Variants in LRP1B observed in about 807,000 individuals in gnomAD.
LRP1B encodes the protein LDL receptor related protein 1B.
LRP1B carries 217 observed loss-of-function variants against 556.6 expected under a neutral mutation model. The ratio of observed to expected loss-of-function variants is 0.39; its 90% CI spans 0.35 to 0.44. The LOEUF (loss-of-function observed/expected upper bound fraction) is 0.44, where lower values mean the gene tolerates loss of function less well. LRP1B is among the 20% of genes least tolerant of loss of function. The pLI is 1.00. For missense variants in LRP1B, 5,053 were observed against 5,620.8 expected (o/e 0.90, Z 3.23); for synonymous variants, 2,047 against 1,865.8 (o/e 1.10, Z -2.50).
intron 3 of LRP1B, among the ~76,000 whole-genome samples, chr2:141,467,304 G>A (rs989902331): frequency 6.6e-6 from 1 of 151,410 alleles, no homozygotes; most frequent in Non-Finnish European, 1.5e-5. Flanking sequence ...TCGGAGGTTT[G>A]GAAACTTTAA....
At chr2:140,796,613 T>C (rs1559124553) in intron 32 of LRP1B, among the ~76,000 whole-genome samples, 1 of 152,092 alleles carries the variant, frequency 6.6e-6, no homozygotes. Flanking sequence ...TGAATAGTGT[T>C]ATGGCAATTA....
chr2:141,442,129 T>C (rs1681000715), intron 3 of LRP1B, among the ~76,000 whole-genome samples: 1 of 152,304 alleles, frequency 6.6e-6, no homozygotes, highest in East Asian at 1.9e-4. Context: ...GCTTTTCCTT[T>C]TCCATTTCCA....
intron 7 of LRP1B, among the ~76,000 whole-genome samples, chr2:141,175,575 T>A (rs185310893): frequency 1.1e-3 from 170 of 152,202 alleles, no homozygotes; most frequent in African/African-American, 3.3e-3. Context: ...TAGATTTCAG[T>A]GGATGTATGA....
chr2:141,819,291 T>C (rs2105726382), intron 1 of LRP1B, among the ~76,000 whole-genome samples: 1 of 152,230 alleles, frequency 6.6e-6, no homozygotes, highest in African/African-American at 2.4e-5. Context: ...CAGTGAACTT[T>C]TTCTTTCTCT....
At chr2:140,806,583 C>A (rs1044296378) in intron 32 of LRP1B, among the ~76,000 whole-genome samples, 4 of 152,104 alleles carry the variant, frequency 2.6e-5, no homozygotes, top group African/African-American at 9.7e-5. Context: ...TTGACCTTGA[C>A]AAATTACTAC....
Position 142,111,508 on chromosome 2 carries a change from G to A in LRP1B, c.82+19140C>T, listed in dbSNP as rs565082235. 1.3e-3 allele frequency among the ~76,000 whole-genome samples: 191 copies of A among 152,248 alleles called. 1 individual carries two copies. The highest frequency in any genetic ancestry group is 4.5e-3 in the African/African-American group (185 of 41,572). ...ATGATCATGGGGCAAAGAAACATGA[G>A]AGTCTTGAGAGAGCCTTTTGTCCAT... On this transcript the variant is annotated intron_variant, in intron 1 of 90. Coordinates refer to ENST00000389484, the MANE Select transcript of LRP1B (RefSeq NM_018557.3).
intron 82 of LRP1B, among the ~76,000 whole-genome samples, chr2:140,320,920 G>A (rs556092937): frequency 1.3e-5 from 2 of 152,138 alleles, no homozygotes; most frequent in East Asian, 3.9e-4. Context: ...TCCAGGCATA[G>A]TGACACATAC....
chr2:140,552,953 G>A (rs367662059), intron 43 of LRP1B, among the ~76,000 whole-genome samples: 1 of 151,954 alleles, frequency 6.6e-6, no homozygotes, highest in South Asian at 2.1e-4. Context: ...GTGCCTTGTT[G>A]GTGAAAGCAC....
At chr2:141,033,193 C>T (rs866405030) in intron 11 of LRP1B, among the ~76,000 whole-genome samples, 9 of 151,112 alleles carry the variant, frequency 6.0e-5, no homozygotes, top group South Asian at 4.2e-4. Flanking sequence ...AGAGTGTGCA[C>T]GAACAGTGGT....
At chr2:141,000,007 C>G (rs890256814) in intron 15 of LRP1B, among the ~76,000 whole-genome samples, 1 of 151,946 alleles carries the variant, frequency 6.6e-6, no homozygotes, top group African/African-American at 2.4e-5. Context: ...CCTCAACCTC[C>G]TAGGCTCAAG....
At chr2:141,594,192 C>T (rs1228392014) in intron 2 of LRP1B, among the ~76,000 whole-genome samples, 2 of 152,016 alleles carry the variant, frequency 1.3e-5, no homozygotes, top group Non-Finnish European at 2.9e-5. Flanking sequence ...GCCCCAGTTT[C>T]CTTCTTTGCT....
rs544182982 is a variant in LRP1B, at chr2:140,964,031, G to C, written c.2888-12091C>G. On this transcript the variant is annotated intron_variant, in intron 18 of 90. Coordinates refer to ENST00000389484, the MANE Select transcript of LRP1B (RefSeq NM_018557.3). ...ATGTCGGGCTGCACTGTTATTTATT[G>C]GATACAAGGCAGAAGGGGCAGGGTA... Among the ~76,000 whole-genome samples the C allele has an allele frequency of 4.3e-4, 66 of 152,238 alleles. 1 individual carries two copies. The highest frequency in any genetic ancestry group is 1.0e-3 in the South Asian group (5 of 4,818).
intron 2 of LRP1B, among the ~76,000 whole-genome samples, chr2:141,604,462 C>A (rs1395640866): frequency 2.0e-5 from 3 of 151,994 alleles, no homozygotes; most frequent in Admixed American, 6.6e-5. Context: ...TCCAGTGAAA[C>A]CCAACCTCCA....
intron 3 of LRP1B, among the ~76,000 whole-genome samples, chr2:141,361,669 G>A (rs1333706672): frequency 1.3e-5 from 2 of 152,200 alleles, no homozygotes; most frequent in Non-Finnish European, 1.5e-5. Context: ...GCTAGTTGTA[G>A]GTGGGGAGTC....
chr2:140,973,768 C>T (rs1327405132), intron 18 of LRP1B, among the ~76,000 whole-genome samples: 1 of 152,072 alleles, frequency 6.6e-6, no homozygotes, highest in Non-Finnish European at 1.5e-5. Context: ...AAATACATAA[C>T]ATAAAATTTA....
chr2:140,761,566 G>A (rs979803162), intron 35 of LRP1B, among the ~76,000 whole-genome samples: 3 of 152,166 alleles, frequency 2.0e-5, no homozygotes, highest in African/African-American at 7.2e-5. Flanking sequence ...AGCTCTAAGA[G>A]AAGCTTGTGG....
chr2:140,252,392 G>A (rs1175129481), intron 86 of LRP1B, among the ~76,000 whole-genome samples: 1 of 151,800 alleles, frequency 6.6e-6, no homozygotes, highest in Non-Finnish European at 1.5e-5. Flanking sequence ...ATATAAAAAT[G>A]TACTCATATC....
intron 2 of LRP1B, among the ~76,000 whole-genome samples, chr2:141,692,065 T>C (rs188893125): frequency 2.6e-5 from 4 of 152,166 alleles, no homozygotes; most frequent in Admixed American, 2.0e-4. Flanking sequence ...GTCTGAATTC[T>C]ATAACTCCTC....
intron 32 of LRP1B, among the ~76,000 whole-genome samples, chr2:140,779,806 T>C: frequency 6.8e-6 from 1 of 146,750 alleles, no homozygotes; most frequent in South Asian, 2.1e-4. Context: ...AGGGGAGATA[T>C]ATATCATAAA....
Sources: gnomAD v4.1 joint callset for allele counts (sites outside exome capture counted in the v4.1 genomes callset) on GRCh38, gnomAD v4.1.1 for gene constraint, MANE v1.5 for transcripts, NCBI Gene and HGNC (gene_info 2026-07-23, HGNC 2026-07-21) for gene names.